Variants in CALCA observed in about 807,000 individuals in gnomAD.
CALCA encodes calcitonin.
In CALCA, 4 loss-of-function variants were observed where a neutral mutation model predicts 6.9. The observed-to-expected ratio is 0.58, with a 90% CI of 0.29 to 1.33. The LOEUF (loss-of-function observed/expected upper bound fraction) is 1.33. CALCA is among the 40% of genes most tolerant of loss of function. CALCA has a pLI of 0.09. For missense variants in CALCA, 174 were observed against 178.3 expected, an observed-to-expected ratio of 0.98 and a Z score of 0.14; for synonymous variants, 78 against 70.0, an observed-to-expected ratio of 1.11 and a Z score of -0.57.
chr11:14,967,533 A>G, downstream of CALCA: 1 of 909,572 alleles, frequency 1.1e-6, no homozygotes, highest in Non-Finnish European at 1.7e-6. Context: ...GGTCTTAGCT[A>G]CTGGAACTCA....
chr11:14,969,130 TC>T, intron 3 of CALCA, 133 bp from the exon 4 acceptor site: 1 of 786,798 alleles, frequency 1.3e-6, no homozygotes, highest in East Asian at 2.5e-5. Context: ...CACTTATCTA[TC>T]CTTCATTAGG....
downstream of CALCA, chr11:14,967,694 C>T: frequency 6.2e-7 from 1 of 1,614,058 alleles, no homozygotes; most frequent in Non-Finnish European, 8.5e-7. Flanking sequence ...CATTCAGCTG[C>T]TCAGGCTTGA....
At chr11:14,966,886 G>A (rs1290448334), downstream of CALCA, 1 of 152,654 alleles carries the variant, frequency 6.6e-6, no homozygotes, top group Non-Finnish European at 1.5e-5. Context: ...AAGCCAATGA[G>A]ACATGCTGTC....
At chr11:14,970,133 G>A in intron 2 of CALCA, 58 bp from the exon 3 acceptor site, 1 of 1,603,222 alleles carries the variant, frequency 6.2e-7, no homozygotes, top group Non-Finnish European at 8.5e-7. Context: ...CCCTCCCCAG[G>A]ATAAGCAGCC....
chr11:14,967,948 G>T, downstream of CALCA: 2 of 1,428,786 alleles, frequency 1.4e-6, no homozygotes, highest in Non-Finnish European at 9.8e-7. Context: ...AAGTTGCTGT[G>T]CTGAAAGGCA....
chr11:14,971,077 C>T (rs781990927), intron 2 of CALCA, 30 bp downstream of exon 2: 10 of 1,577,084 alleles, frequency 6.3e-6, no homozygotes, highest in Non-Finnish European at 6.1e-6. Flanking sequence ...TGTCTGATAC[C>T]AGTGTGGTTC....
At chr11:14,969,726 C>A (rs1327735070) in intron 3 of CALCA, among the ~76,000 whole-genome samples, 1 of 152,156 alleles carries the variant, frequency 6.6e-6, no homozygotes, top group Non-Finnish European at 1.5e-5. Flanking sequence ...AGAAACGGAG[C>A]CTTTTGTTAT....
Position 14,968,797 on chromosome 11 carries a change from G to A in CALCA, c.*2C>T, listed in dbSNP as rs1555025820. On this transcript the variant is annotated 3_prime_UTR_variant, in exon 4 of 4. Transcript: ENST00000331587. ...GGGAAATTAGGAAGGAAAGGGAGGA[G>A]TTTAGTTGGCATTCTGGGGCATGCT... 3 of 1,614,160 alleles carry A rather than the reference G, an allele frequency of 1.9e-6. No homozygotes were observed. The highest frequency in any genetic ancestry group is 2.5e-6 in the Non-Finnish European group (3 of 1,180,016).
chr11:14,970,254 A>G (rs1397201982), intron 2 of CALCA, among the ~76,000 whole-genome samples, 179 bp from the exon 3 acceptor site: 1 of 152,210 alleles, frequency 6.6e-6, no homozygotes, highest in Non-Finnish European at 1.5e-5. Context: ...TGTGGCCTCT[A>G]AACAGTGGTG....
chr11:14,969,904 G>A (rs965659280), intron 3 of CALCA, 31 bp downstream of exon 3: 1 of 1,612,258 alleles, frequency 6.2e-7, no homozygotes, highest in Admixed American at 1.7e-5. Flanking sequence ...GGGGAGAGGA[G>A]GCCCTGTGCT....
rs138328117 is a variant in CALCA at position 14,970,027 on chromosome 11, G to A, written c.135C>T (p.Asp45=). 9 of 1,614,224 alleles carry A rather than the reference G, an allele frequency of 5.6e-6. No homozygotes were observed. Among genetic ancestry groups the A allele is most frequent in the South Asian group, 3.3e-5 (3 of 91,078 alleles). ...SPADPATLSE[D]EARLLLAALV... is the part of the protein sequence containing the mutation. ...GTGCAGCCAGCAGGAGGCGCGCTTC[G>A]TCCTCACTGAGCGTGGCCGGGTCTG... is the stretch of plus-strand genomic sequence containing the variant. Residue 45 remains aspartate, a synonymous_variant, in exon 3 of 4, where the codon GAC becomes GAT. Coordinates refer to ENST00000331587, the MANE Select transcript of CALCA (RefSeq NM_001741.3).
chr11:14,971,272 T>G, intron 1 of CALCA, 71 bp from the exon 2 acceptor site: 3 of 997,458 alleles, frequency 3.0e-6, no homozygotes, highest in Non-Finnish European at 4.8e-6. Flanking sequence ...CCTTGGCTCC[T>G]ATCCTGGTTT....
At chr11:14,968,331 C>T (rs1235346867), downstream of CALCA, 1 of 554,254 alleles carries the variant, frequency 1.8e-6, no homozygotes, top group Admixed American at 4.4e-5. Context: ...CCTAGAGGTG[C>T]TTACCTGCTC....
intron 3 of CALCA, 33 bp downstream of exon 3, chr11:14,969,902 G>C: frequency 6.2e-7 from 1 of 1,612,228 alleles, no homozygotes; most frequent in Non-Finnish European, 8.5e-7. Context: ...GCGGGGAGAG[G>C]AGGCCCTGTG....
downstream of CALCA, chr11:14,967,090 C>T (rs1429038684): frequency 6.5e-6 from 1 of 154,502 alleles, no homozygotes; most frequent in Non-Finnish European, 1.4e-5. Context: ...AGGAGTTCAG[C>T]TTTATTGTGA....
At chr11:14,971,908 G>T (rs1269047421) in intron 1 of CALCA, among the ~76,000 whole-genome samples, 1 of 152,158 alleles carries the variant, frequency 6.6e-6, no homozygotes, top group Admixed American at 6.5e-5. Flanking sequence ...GGCTCCAGAC[G>T]CCGTCCCTGA....
chr11:14,969,600 G>A (rs1291767842), intron 3 of CALCA, among the ~76,000 whole-genome samples: 2 of 152,162 alleles, frequency 1.3e-5, no homozygotes, highest in African/African-American at 4.8e-5. Context: ...GTGTATCCCT[G>A]ACTTCACCCT....
Position 14,971,177 on chromosome 11 carries a change from A to G in CALCA, c.16T>C (p.Phe6Leu), listed in dbSNP as rs375202775. Residue 6 changes from phenylalanine to leucine, a missense_variant, in exon 2 of 4, where the codon TTC becomes CTC. Transcript: ENST00000331587. ...ATGCTGAGAGCCAGGAAGGGGGAGA[A>G]CTTTTGGAAGCCCATGACACCTCTC... MGFQK[F>L]SPFLALSILV... is the part of the protein sequence containing the mutation. 3.1e-5 allele frequency: 50 copies of G among 1,613,906 alleles called. No homozygotes were observed. In the African/African-American group the frequency reaches 6.1e-4, roughly 20 times the overall value.
At chr11:14,969,751 C>CAG (rs1565208887) in intron 3 of CALCA, among the ~76,000 whole-genome samples, 184 bp downstream of exon 3, 1 of 152,202 alleles carries the variant, frequency 6.6e-6, no homozygotes, top group Non-Finnish European at 1.5e-5. Flanking sequence ...AACCACGGTA[C>CAG]CTCCAGCTGC....
Sources: allele counts gnomAD v4.1 joint callset (sites outside exome capture counted in the v4.1 genomes callset), GRCh38; gene constraint gnomAD v4.1.1; transcripts MANE v1.5; gene names NCBI Gene and HGNC (gene_info 2026-07-23, HGNC 2026-07-21).